Variants in GLI2 observed in about 807,000 individuals in gnomAD.
GLI2 encodes the protein GLI family zinc finger 2, also known as transcription activator GLI2.
A neutral mutation model predicts 78.9 loss-of-function variants in GLI2; 22 were observed. The ratio of observed to expected loss-of-function variants is 0.28; its 90% CI spans 0.20 to 0.40. The LOEUF (loss-of-function observed/expected upper bound fraction) is 0.40, where lower values mean the gene tolerates loss of function less well. Ranked by LOEUF, GLI2 falls within the 10% of genes least tolerant of loss-of-function variation. The probability of loss-of-function intolerance (pLI) is 1.00; values close to 1 mark genes in which losing one functional copy is unlikely to be tolerated. For synonymous variants in GLI2, 974 were observed against 963.7 expected, an observed-to-expected ratio of 1.01 and a Z score of -0.20; for missense variants, 2,097 against 2,213.2, an observed-to-expected ratio of 0.95 and a Z score of 1.05.
intron 1 of GLI2, among the ~76,000 whole-genome samples, chr2:120,775,766 A>C (rs1187489332): frequency 6.6e-6 from 1 of 152,212 alleles, no homozygotes; most frequent in Admixed American, 6.5e-5. Flanking sequence ...GCATGCTGTC[A>C]GAGCTTCCTC....
intron 5 of GLI2, among the ~76,000 whole-genome samples, chr2:120,956,534 C>T (rs1264384541): frequency 6.6e-6 from 1 of 152,116 alleles, no homozygotes; most frequent in South Asian, 2.1e-4. Flanking sequence ...CTCCCATCCC[C>T]CAGTCAGCGC....
chr2:120,924,079 G>A (rs974644274), intron 2 of GLI2, among the ~76,000 whole-genome samples: 1 of 152,210 alleles, frequency 6.6e-6, no homozygotes, highest in Non-Finnish European at 1.5e-5. Flanking sequence ...GGCATTAGGA[G>A]ACCCCCCCTC....
At chr2:120,955,152 CCTTTTTTTTTTTTTTTTTT>C (rs1160130238) in intron 4 of GLI2, 74 bp from the exon 5 acceptor site, 2 of 305,068 alleles carry the variant, frequency 6.6e-6, no homozygotes, top group Non-Finnish European at 1.2e-5. Flanking sequence ...TTTCTCTCTG[CCTTTTTTTTTTTTTTTTTT>C]TTTTTTTTTT....
chr2:120,739,683 T>C (rs903659703), intron 1 of GLI2, among the ~76,000 whole-genome samples: 3 of 152,362 alleles, frequency 2.0e-5, no homozygotes, highest in African/African-American at 4.8e-5. Flanking sequence ...CAGGGCCCTT[T>C]GAAAAGGAAC....
chr2:120,789,183 C>T (rs1412424317), intron 1 of GLI2, among the ~76,000 whole-genome samples: 1 of 152,024 alleles, frequency 6.6e-6, no homozygotes, highest in African/African-American at 2.4e-5. Context: ...AGGCGCCTGC[C>T]ACCACACCTG....
chr2:120,987,578 C>G (rs1165668100), intron 13 of GLI2, among the ~76,000 whole-genome samples: 3 of 152,210 alleles, frequency 2.0e-5, no homozygotes, highest in Non-Finnish European at 2.9e-5. Flanking sequence ...TGCAGCCTGT[C>G]TTTCCTTCCA....
chr2:120,927,227 G>C, intron 2 of GLI2, 134 bp from the exon 3 acceptor site: 4 of 761,656 alleles, frequency 5.3e-6, no homozygotes, highest in Non-Finnish European at 9.7e-6. Context: ...GTGTGTGATC[G>C]CGCGGGCACT....
chr2:120,791,184 G>C (rs1305998576), intron 1 of GLI2, among the ~76,000 whole-genome samples: 2 of 152,176 alleles, frequency 1.3e-5, no homozygotes, highest in Non-Finnish European at 2.9e-5. Context: ...GCAGTAAAAT[G>C]CCAGAAGTCC....
chr2:120,979,960 G>A (rs1157704375), intron 10 of GLI2, among the ~76,000 whole-genome samples: 2 of 152,226 alleles, frequency 1.3e-5, no homozygotes, highest in Non-Finnish European at 2.9e-5. Context: ...CTGCGTTGTA[G>A]CATGCACGCG....
At chr2:120,872,223 GC>G (rs547934409) in intron 2 of GLI2, among the ~76,000 whole-genome samples, 7 of 152,308 alleles carry the variant, frequency 4.6e-5, no homozygotes, top group Non-Finnish European at 8.8e-5. Context: ...TTCCAGAGTG[GC>G]CCCTAAGCCA....
chr2:120,762,662 C>A (rs934901018), intron 1 of GLI2, among the ~76,000 whole-genome samples: 3 of 152,280 alleles, frequency 2.0e-5, no homozygotes, highest in African/African-American at 7.2e-5. Context: ...TCGAGAGCGT[C>A]GAGGGCCTGC....
At chr2:120,824,032 CA>C (rs758545313) in intron 2 of GLI2, among the ~76,000 whole-genome samples, 263 of 152,282 alleles carry the variant, frequency 1.7e-3, no homozygotes, top group Admixed American at 2.9e-3. Context: ...CTTTATTTAA[CA>C]AAGAAAGAAC....
intron 2 of GLI2, among the ~76,000 whole-genome samples, chr2:120,907,387 A>G (rs1678585882): frequency 6.6e-6 from 1 of 152,046 alleles, no homozygotes; most frequent in Non-Finnish European, 1.5e-5. Context: ...TGACCTGAAG[A>G]TGTGGGCTGC....
intron 2 of GLI2, among the ~76,000 whole-genome samples, chr2:120,883,929 C>T (rs553986426): frequency 6.6e-6 from 1 of 152,256 alleles, no homozygotes; most frequent in South Asian, 2.1e-4. Context: ...CTCCAGACCC[C>T]CGCAGCAGAT....
At chr2:120,892,949 C>T (rs144283105) in intron 2 of GLI2, among the ~76,000 whole-genome samples, 145 of 152,360 alleles carry the variant, frequency 9.5e-4, no homozygotes, top group African/African-American at 3.4e-3. Context: ...GTTGTTGCCA[C>T]TTTTCTGATA....
chr2:120,865,512 T>C (rs910842843), intron 2 of GLI2, among the ~76,000 whole-genome samples: 3 of 152,212 alleles, frequency 2.0e-5, no homozygotes, highest in African/African-American at 7.2e-5. Flanking sequence ...TCCCTTGTTT[T>C]CTTTCTGTGG....
At chr2:120,761,344 T>C (rs1187757615) in intron 1 of GLI2, among the ~76,000 whole-genome samples, 1 of 151,522 alleles carries the variant, frequency 6.6e-6, no homozygotes, top group Non-Finnish European at 1.5e-5. Flanking sequence ...GCCCAGGAGG[T>C]GAGACCAAGG....
chr2:120,861,444 TC>T (rs1392859587), intron 2 of GLI2, among the ~76,000 whole-genome samples: 10 of 152,084 alleles, frequency 6.6e-5, no homozygotes, highest in Non-Finnish European at 1.5e-4. Context: ...CTGGGAGGGG[TC>T]CCAGTCCTGG....
At chr2:120,876,661 T>C (rs989776586) in intron 2 of GLI2, among the ~76,000 whole-genome samples, 10 of 151,872 alleles carry the variant, frequency 6.6e-5, no homozygotes, top group African/African-American at 2.4e-4. Flanking sequence ...GGGACACAGG[T>C]GAGTCACATG....
Sources: allele counts gnomAD v4.1 joint callset (sites outside exome capture counted in the v4.1 genomes callset), GRCh38; gene constraint gnomAD v4.1.1; transcripts MANE v1.5; gene names NCBI Gene and HGNC (gene_info 2026-07-23, HGNC 2026-07-21).